TASP1: variants seen among roughly 807,000 people sequenced by gnomAD.
TASP1 encodes threonine aspartase 1.
In TASP1, 16 loss-of-function variants were observed where a neutral mutation model predicts 56.6. The observed-to-expected ratio is 0.28, with a 90% CI of 0.19 to 0.43. The LOEUF is 0.43. Among genes scored for constraint, TASP1 ranks in the 20% least tolerant of loss-of-function variants. The pLI is 1.00. For synonymous variants in TASP1, 179 were observed against 184.2 expected (o/e 0.97, Z 0.23); for missense variants, 393 against 511.6 (o/e 0.77, Z 2.24).
At chr20:13,537,638 G>C (rs1467083273) in intron 8 of TASP1, among the ~76,000 whole-genome samples, 1 of 152,070 alleles carries the variant, frequency 6.6e-6, no homozygotes, top group Non-Finnish European at 1.5e-5. Flanking sequence ...TATACCTATT[G>C]TCCTTGACTA....
chr20:13,305,304 T>G, the TASP1 span, among the ~76,000 whole-genome samples: 1 of 152,124 alleles, frequency 6.6e-6, no homozygotes, highest in African/African-American at 2.4e-5. Flanking sequence ...TTCCATAATT[T>G]TAGAATTAAT....
chr20:13,330,314 A>G, the TASP1 span, among the ~76,000 whole-genome samples: 15 of 152,154 alleles, frequency 9.9e-5, no homozygotes, highest in Non-Finnish European at 1.6e-4. Context: ...TCTTCTCTCA[A>G]TTGTTAACAT....
At chr20:13,113,557 T>C in the TASP1 span, among the ~76,000 whole-genome samples, 1 of 152,174 alleles carries the variant, frequency 6.6e-6, no homozygotes, top group African/African-American at 2.4e-5. Flanking sequence ...AATGTCACCA[T>C]TCATAGGTAT....
chr20:13,250,164 C>T, the TASP1 span, among the ~76,000 whole-genome samples: 53 of 152,218 alleles, frequency 3.5e-4, no homozygotes, highest in African/African-American at 1.0e-3. Context: ...GAAACGACCA[C>T]GTTGATAGGG....
At chr20:13,618,868 C>T (rs2048612237) in intron 4 of TASP1, among the ~76,000 whole-genome samples, 3 of 149,710 alleles carry the variant, frequency 2.0e-5, no homozygotes, top group African/African-American at 7.3e-5. Flanking sequence ...ATTCCTATCA[C>T]TATTCTTTTT....
intron 10 of TASP1, among the ~76,000 whole-genome samples, chr20:13,516,757 A>G (rs748733256): frequency 2.7e-5 from 4 of 150,832 alleles, no homozygotes; most frequent in Admixed American, 6.6e-5. Flanking sequence ...CAAAGTAAGT[A>G]TCTAGCAAAA....
chr20:13,153,432 A>G, the TASP1 span, among the ~76,000 whole-genome samples: 4 of 152,036 alleles, frequency 2.6e-5, no homozygotes, highest in African/African-American at 9.7e-5. Context: ...CCTCCCTTCT[A>G]TTAGTCTACC....
At chr20:13,190,352 C>T in the TASP1 span, among the ~76,000 whole-genome samples, 5 of 152,202 alleles carry the variant, frequency 3.3e-5, no homozygotes, top group East Asian at 5.8e-4. Flanking sequence ...CTATAGTAAC[C>T]AAAATACCAT....
At chr20:13,292,955 G>T in the TASP1 span, among the ~76,000 whole-genome samples, 1 of 152,138 alleles carries the variant, frequency 6.6e-6, no homozygotes, top group Non-Finnish European at 1.5e-5. Flanking sequence ...CTAGCACTTT[G>T]GGAGGCTGAG....
chr20:13,552,081 G>A (rs977806345), intron 8 of TASP1, among the ~76,000 whole-genome samples: 1 of 152,148 alleles, frequency 6.6e-6, no homozygotes, highest in Non-Finnish European at 1.5e-5. Flanking sequence ...TCCTTGCTTT[G>A]CCTAATATAC....
intron 8 of TASP1, among the ~76,000 whole-genome samples, chr20:13,542,867 A>G (rs1190305110): frequency 3.9e-5 from 6 of 152,138 alleles, no homozygotes; most frequent in African/African-American, 1.4e-4. Context: ...TTAACATCAG[A>G]AAAGAAGAAA....
At chr20:13,248,147 G>A in the TASP1 span, among the ~76,000 whole-genome samples, 5,565 of 152,288 alleles carry the variant, frequency 0.037, 177 homozygotes, top group African/African-American at 0.078. Context: ...GTGGCTGCCC[G>A]ATTCATAGTA....
At chr20:13,338,571 T>C in the TASP1 span, among the ~76,000 whole-genome samples, 1 of 152,204 alleles carries the variant, frequency 6.6e-6, no homozygotes, top group Non-Finnish European at 1.5e-5. Flanking sequence ...TAATAAGTCC[T>C]ACCATGATGA....
intron 6 of TASP1, among the ~76,000 whole-genome samples, chr20:13,576,989 T>A (rs1308246285): frequency 6.6e-6 from 1 of 152,204 alleles, no homozygotes; most frequent in Non-Finnish European, 1.5e-5. Context: ...TACAAGTCAT[T>A]TTTGTACATC....
chr20:13,333,772 T>A, the TASP1 span, among the ~76,000 whole-genome samples: 1 of 152,254 alleles, frequency 6.6e-6, no homozygotes, highest in Non-Finnish European at 1.5e-5. Context: ...TACTTTTTTA[T>A]TTTTGAATCT....
the TASP1 span, among the ~76,000 whole-genome samples, chr20:13,175,899 A>C: frequency 6.6e-6 from 1 of 152,214 alleles, no homozygotes; most frequent in Admixed American, 6.5e-5. Context: ...AACAATAGAT[A>C]TCCTCTGATA....
intron 5 of TASP1, among the ~76,000 whole-genome samples, chr20:13,581,949 ACC>A (rs1380973834): frequency 6.6e-6 from 1 of 152,096 alleles, no homozygotes; most frequent in Non-Finnish European, 1.5e-5. Context: ...CGGAGACCAT[ACC>A]CTTCATCACT....
intron 6 of TASP1, among the ~76,000 whole-genome samples, chr20:13,580,177 G>A (rs149878325): frequency 5.9e-5 from 9 of 152,226 alleles, no homozygotes; most frequent in South Asian, 4.1e-4. Context: ...CAGGCACAGC[G>A]GCTCATGCCT....
At chr20:13,629,591 C>T (rs74517270) in intron 2 of TASP1, among the ~76,000 whole-genome samples, 4,297 of 151,820 alleles carry the variant, frequency 0.028, 213 homozygotes, top group African/African-American at 0.096. Context: ...CCTGCCTCAG[C>T]CTCCCACAGC....
Sources: allele counts gnomAD v4.1 joint callset (sites outside exome capture counted in the v4.1 genomes callset), GRCh38; gene constraint gnomAD v4.1.1; transcripts MANE v1.5; gene names NCBI Gene and HGNC (gene_info 2026-07-23, HGNC 2026-07-21).